Variants in NLRC3 observed in about 807,000 individuals in gnomAD.
NLRC3 encodes NLR family CARD domain containing 3.
In NLRC3, 87 loss-of-function variants were observed where a neutral mutation model predicts 91.6. The observed-to-expected ratio is 0.95, with a 90% CI of 0.80 to 1.14. The LOEUF (loss-of-function observed/expected upper bound fraction) is 1.14. Among genes scored for constraint, NLRC3 ranks in the 50% most tolerant of loss-of-function variants. The pLI is 0.00. For missense variants in NLRC3, 1,577 were observed against 1,418.6 expected, an observed-to-expected ratio of 1.11 and a Z score of -1.79; for synonymous variants, 694 against 625.3, an observed-to-expected ratio of 1.11 and a Z score of -1.64.
intron 1 of NLRC3, among the ~76,000 whole-genome samples, chr16:3,575,550 G>C (rs577469176): frequency 6.6e-6 from 1 of 152,334 alleles, no homozygotes; most frequent in Non-Finnish European, 1.5e-5. Context: ...TGCCACTGCT[G>C]CCTCCTCCCC....
intron 1 of NLRC3, among the ~76,000 whole-genome samples, chr16:3,575,228 C>T (rs1258724752): frequency 2.0e-5 from 3 of 152,254 alleles, no homozygotes; most frequent in African/African-American, 7.2e-5. Flanking sequence ...CTGCCATTGC[C>T]AGCACCTCCC....
intron 1 of NLRC3, among the ~76,000 whole-genome samples, chr16:3,574,007 CTTTTTTTTT>C (rs35126359): frequency 2.0e-4 from 8 of 40,408 alleles, no homozygotes; most frequent in Admixed American, 3.9e-4. Context: ...ACCATTTTAT[CTTTTTTTTT>C]TTTTTTTTTT....
chr16:3,562,273 A>G (rs1467184956), intron 5 of NLRC3, among the ~76,000 whole-genome samples: 1 of 152,118 alleles, frequency 6.6e-6, no homozygotes, highest in Non-Finnish European at 1.5e-5. Context: ...GTCACTGTGG[A>G]TGTACTTTGT....
chr16:3,549,651 C>T, intron 12 of NLRC3, 46 bp downstream of exon 12: 2 of 1,376,738 alleles, frequency 1.5e-6, no homozygotes, highest in Non-Finnish European at 2.0e-6. Flanking sequence ...CAGACAGGTG[C>T]CTCGTCAAAG....
chr16:3,562,774 G>A, intron 5 of NLRC3: 1 of 613,090 alleles, frequency 1.6e-6, no homozygotes, highest in East Asian at 2.8e-5. Context: ...AGGAAGGAAA[G>A]AACCTCTCCT....
intron 18 of NLRC3, 127 bp from the exon 19 acceptor site, chr16:3,542,401 T>C: frequency 2.9e-6 from 2 of 693,540 alleles, no homozygotes; most frequent in East Asian, 2.7e-5. Flanking sequence ...CCATGGCAAC[T>C]CCAGGTGGGA....
intron 11 of NLRC3, 90 bp downstream of exon 11, chr16:3,550,324 C>T: frequency 1.2e-6 from 1 of 815,864 alleles, no homozygotes; most frequent in East Asian, 2.6e-5. Flanking sequence ...GGAAATGGCC[C>T]TGGGGGACAG....
chr16:3,555,300 C>T (rs2151092031), intron 8 of NLRC3, among the ~76,000 whole-genome samples: 1 of 151,354 alleles, frequency 6.6e-6, no homozygotes, highest in African/African-American at 2.4e-5. Context: ...ACGGATGAAG[C>T]TTAAAAACAT....
chr16:3,542,747 C>T lies in NLRC3; in HGVS notation c.2968G>A (p.Gly990Arg). Reference protein sequence around the residue: ...DLRGNAIGVAGAKALANALKV... With the variant: ...DLRGNAIGVARAKALANALKV... The stretch of plus-strand genomic sequence containing the variant: ...AGAGCATTTGCCAGGGCTTTGGCTC[C>T]AGCCACCCCAATGGCATTTCCTCTT... Residue 990 changes from glycine (G) to arginine (R), a missense_variant, in exon 18 of 20, where the codon GGA becomes AGA. Coordinates refer to ENST00000359128, the MANE Select transcript of NLRC3 (RefSeq NM_178844.4). 6.2e-7 allele frequency: 1 copy of T among 1,609,472 alleles called. No individual in the cohort carries two copies. The highest frequency in any genetic ancestry group is 8.5e-7 in the Non-Finnish European group (1 of 1,177,960).
rs770693420 is a variant in NLRC3 at position 3,564,777 on chromosome 16, T to A, written c.179-19A>T. On this transcript the variant is annotated intron_variant, in intron 4 of 19. Coordinates refer to ENST00000359128, the MANE Select transcript of NLRC3 (RefSeq NM_178844.4). This position sits in a 1 kb window ranked among gnomAD's most constrained non-coding sequence, Gnocchi z 5.9. Reference sequence around the variant, plus strand: ...CTTGAGTCTGCGGGACAGAGGCCAGTGGGGAGGTCTGGTAAGGGAAGAGTG... The same window carrying A: ...CTTGAGTCTGCGGGACAGAGGCCAGAGGGGAGGTCTGGTAAGGGAAGAGTG... 80 of 1,565,812 alleles carry A rather than the reference T, an allele frequency of 5.1e-5. 1 individual carries two copies. The highest frequency in any genetic ancestry group is 6.5e-5 in the Non-Finnish European group (75 of 1,159,518).
At chr16:3,574,945 G>A (rs1428230104) in intron 1 of NLRC3, among the ~76,000 whole-genome samples, 1 of 147,344 alleles carries the variant, frequency 6.8e-6, no homozygotes. Context: ...CTGGGTGACA[G>A]AGCGAGACTG....
chr16:3,544,122 C>T lies in NLRC3; in HGVS notation c.2855+124G>A, dbSNP rs1308878429. On this transcript the variant is annotated intron_variant, in intron 16 of 19. Transcript: ENST00000359128. ...ACAGTTAGCTGAGATTATGTCACTG[C>T]ACTCCAGCCTGGGTGGCAGAGCAAG... is the stretch of plus-strand genomic sequence containing the variant. The T allele has an allele frequency of 4.8e-6, 3 of 629,384 alleles. No individual in the cohort carries two copies. In the African/African-American group the frequency reaches 5.6e-5, roughly 12 times the overall value. 39.0% of individuals were successfully genotyped at this position (629,384 alleles called of 1,614,324 possible).
At chr16:3,553,247 T>G (rs977193112) in intron 9 of NLRC3, among the ~76,000 whole-genome samples, 1 of 152,248 alleles carries the variant, frequency 6.6e-6, no homozygotes, top group Non-Finnish European at 1.5e-5. Flanking sequence ...TATGTAAATC[T>G]TTTTAAAAGC....
intron 6 of NLRC3, among the ~76,000 whole-genome samples, chr16:3,560,651 T>C (rs906656152): frequency 1.3e-5 from 2 of 152,162 alleles, no homozygotes; most frequent in African/African-American, 4.8e-5. Flanking sequence ...TTGTTTGTTT[T>C]GTTCTTTTTT....
intron 9 of NLRC3, among the ~76,000 whole-genome samples, chr16:3,553,074 C>A (rs926235902): frequency 2.0e-5 from 3 of 152,232 alleles, no homozygotes; most frequent in Non-Finnish European, 2.9e-5. Context: ...CCTACAAGGA[C>A]AGGCAGGCAG....
chr16:3,549,737 T>C lies in NLRC3; in HGVS notation c.2479A>G (p.Met827Val). The stretch of plus-strand genomic sequence containing the variant: ...GTCTGGTTGGTGCAGAGGGCCCCCA[T>C]CAGTGCTGCCACTCCTGCGTCACTG... ...SISDAGVAAL[M>V]GALCTNQTLL... Residue 827 changes from methionine to valine, a missense_variant, in exon 12 of 20, where the codon ATG becomes GTG. Met to Val is a conservative substitution (Grantham distance 21). Coordinates refer to ENST00000359128, the MANE Select transcript of NLRC3 (RefSeq NM_178844.4). 1.3e-6 allele frequency: 2 copies of C among 1,551,218 alleles called. No individual in the cohort carries two copies. The highest frequency in any genetic ancestry group is 1.7e-6 in the Non-Finnish European group (2 of 1,146,848).
At position 3,563,149 on chromosome 16, in the gene NLRC3, A is replaced by G. The variant is rs8044743; in HGVS notation, c.1788T>C (p.Thr596=). ...CCAGGGCAGCGCGGTGCGCGGGACC[A>G]GTCAGCCTGGCCAGGGCCCCGCTCT... ...AMESGALARL[T]GPAHRAALAY... Residue 596 remains threonine (T), a synonymous_variant, in exon 5 of 20, where the codon ACT becomes ACC. Coordinates refer to ENST00000359128, the MANE Select transcript of NLRC3 (RefSeq NM_178844.4). 0.55 allele frequency: 867,189 copies of G among 1,586,598 alleles called. 247,890 individuals are homozygous for G. Among genetic ancestry groups the G allele is most frequent in the African/African-American group, 0.9 (67,147 of 74,638 alleles).
chr16:3,551,005 C>G (rs897695829), intron 10 of NLRC3, among the ~76,000 whole-genome samples: 5 of 152,086 alleles, frequency 3.3e-5, no homozygotes, highest in Non-Finnish European at 7.4e-5. Context: ...ATTCGTCCAT[C>G]CATCCACCTA....
At chr16:3,566,845 T>G (rs1304173904) in intron 2 of NLRC3, among the ~76,000 whole-genome samples, 10 of 152,126 alleles carry the variant, frequency 6.6e-5, no homozygotes, top group African/African-American at 1.9e-4. Flanking sequence ...GAGCTGAGAT[T>G]GCGCCACTGC....
Sources: gnomAD v4.1 joint callset for allele counts (sites outside exome capture counted in the v4.1 genomes callset) on GRCh38, gnomAD v4.1.1 for gene constraint, Gnocchi (gnomAD v3.1) non-coding constraint, MANE v1.5 for transcripts, NCBI Gene and HGNC (gene_info 2026-07-23, HGNC 2026-07-21) for gene names.